The following PLCXD3 variants were observed in gnomAD, a reference collection of about 807,000 sequenced individuals.
PLCXD3 encodes the protein PI-PLC X domain-containing protein 3.
Under a neutral mutation model 25.5 loss-of-function variants are expected in PLCXD3, and 19 were observed. The ratio of observed to expected loss-of-function variants is 0.75; its 90% CI spans 0.52 to 1.09. The LOEUF (loss-of-function observed/expected upper bound fraction) is 1.09. PLCXD3 is among the 50% of genes least tolerant of loss of function. The pLI is 0.00. For synonymous variants in PLCXD3, 174 were observed against 137.6 expected (o/e 1.26, Z -1.85); for missense variants, 411 against 388.1 (o/e 1.06, Z -0.50).
Position 41,342,599 on chromosome 5 carries a change from G to A in PLCXD3, c.813-28829C>T, listed in dbSNP as rs79569469. On this transcript the variant is annotated intron_variant, in intron 2 of 2. Coordinates refer to ENST00000377801, the MANE Select transcript of PLCXD3 (RefSeq NM_001005473.3). Reference sequence around the variant, plus strand: ...TTCCAAAACTGAAATAAAATGTACAGAAAGCTTTGTAAATTTAATGTGGGT... The same window carrying A: ...TTCCAAAACTGAAATAAAATGTACAAAAAGCTTTGTAAATTTAATGTGGGT... Among the ~76,000 whole-genome samples the A allele has an allele frequency of 4.6e-3, 696 of 152,180 alleles. 3 individuals are homozygous for A. The highest frequency in any genetic ancestry group is 0.016 in the African/African-American group (657 of 41,522).
chr5:41,330,380 C>G (rs1414831283), intron 2 of PLCXD3, among the ~76,000 whole-genome samples: 2 of 152,106 alleles, frequency 1.3e-5, no homozygotes, highest in African/African-American at 4.8e-5. Context: ...CATACGCCCT[C>G]CCAAGACTAA....
intron 2 of PLCXD3, among the ~76,000 whole-genome samples, chr5:41,355,865 A>G (rs1744602880): frequency 6.6e-6 from 1 of 152,302 alleles, no homozygotes; most frequent in East Asian, 1.9e-4. Flanking sequence ...GCTCACCACC[A>G]TCAAAGATGA....
intron 2 of PLCXD3, among the ~76,000 whole-genome samples, chr5:41,326,192 A>T (rs1743622434): frequency 6.6e-6 from 1 of 152,156 alleles, no homozygotes; most frequent in South Asian, 2.1e-4. Context: ...CCATGCATTC[A>T]TCTAACAAAG....
intron 2 of PLCXD3, among the ~76,000 whole-genome samples, chr5:41,328,087 A>G (rs940760824): frequency 3.3e-5 from 5 of 152,184 alleles, no homozygotes; most frequent in African/African-American, 1.2e-4. Context: ...CACTACTGTC[A>G]GTTCTAGAGC....
rs1164643879 is a variant in PLCXD3 at position 41,318,737 on chromosome 5, T to A, written c.813-4967A>T. On this transcript the variant is annotated intron_variant, in intron 2 of 2. Coordinates refer to ENST00000377801, the MANE Select transcript of PLCXD3 (RefSeq NM_001005473.3). The stretch of plus-strand genomic sequence containing the variant: ...CACATAACAAAATGCAAGGAGTAAG[T>A]CCTTACTTATCAATAACAACATTGA... 2.0e-5 allele frequency among the ~76,000 whole-genome samples: 3 copies of A among 152,174 alleles called. No homozygotes were observed. In the East Asian group the frequency reaches 5.8e-4, roughly 29 times the overall value.
intron 1 of PLCXD3, among the ~76,000 whole-genome samples, chr5:41,424,676 T>C (rs922312745): frequency 3.9e-5 from 6 of 152,274 alleles, no homozygotes; most frequent in African/African-American, 1.4e-4. Context: ...CCTTCATTTT[T>C]ATTTTTCTGT....
chr5:41,460,692 G>A (rs745784741), intron 1 of PLCXD3, among the ~76,000 whole-genome samples: 5 of 151,902 alleles, frequency 3.3e-5, no homozygotes, highest in South Asian at 2.1e-4. Flanking sequence ...TTTTTACAAC[G>A]TCATTATGAA....
chr5:41,362,158 G>A (rs1744802066), intron 2 of PLCXD3, among the ~76,000 whole-genome samples: 1 of 152,192 alleles, frequency 6.6e-6, no homozygotes, highest in South Asian at 2.1e-4. Context: ...GTTTGTCCCT[G>A]AATTTGGAAG....
In PLCXD3 at chr5:41,347,408, T is replaced by C. The variant is rs188058078; in HGVS notation, c.813-33638A>G. Among the ~76,000 whole-genome samples the C allele has an allele frequency of 2.0e-5, 3 of 152,338 alleles. No individual in the cohort carries two copies. In the East Asian group the frequency reaches 5.8e-4, roughly 29 times the overall value. On this transcript the variant is annotated intron_variant, in intron 2 of 2. Transcript: ENST00000377801. ...TTATTAGATCAGATTCATAGATCTT[T>C]AGCAATCTCTCACTCCAAGGAAAGT...
intron 1 of PLCXD3, among the ~76,000 whole-genome samples, chr5:41,419,317 G>A (rs903307437): frequency 6.6e-6 from 1 of 151,936 alleles, no homozygotes; most frequent in African/African-American, 2.4e-5. Context: ...ATAATAAAAA[G>A]GACCTCACAA....
At chr5:41,342,764 G>A (rs1482461897) in intron 2 of PLCXD3, among the ~76,000 whole-genome samples, 2 of 152,094 alleles carry the variant, frequency 1.3e-5, no homozygotes, top group East Asian at 3.9e-4. Flanking sequence ...TAGAAAAGGA[G>A]GAGCTAATTC....
intron 1 of PLCXD3, among the ~76,000 whole-genome samples, chr5:41,392,560 A>G (rs1745862361): frequency 6.6e-6 from 1 of 152,182 alleles, no homozygotes; most frequent in South Asian, 2.1e-4. Context: ...AGTCCTTTCG[A>G]GTATCTGGAA....
At chr5:41,397,122 A>T (rs80090826) in intron 1 of PLCXD3, among the ~76,000 whole-genome samples, 6,612 of 152,316 alleles carry the variant, frequency 0.043, 188 homozygotes, top group Non-Finnish European at 0.061. Context: ...GAAGAGCCAA[A>T]TGCTAATAGC....
intron 2 of PLCXD3, among the ~76,000 whole-genome samples, chr5:41,319,014 CAAAT>C (rs1743381931): frequency 1.3e-5 from 2 of 152,088 alleles, no homozygotes; most frequent in African/African-American, 4.8e-5. Flanking sequence ...TAAGATGAGA[CAAAT>C]AATGTCACTG....
chr5:41,342,840 T>G (rs1175852340), intron 2 of PLCXD3, among the ~76,000 whole-genome samples: 1 of 152,164 alleles, frequency 6.6e-6, no homozygotes, highest in South Asian at 2.1e-4. Context: ...CTGAAAATGC[T>G]TGCTTCACAA....
chr5:41,322,125 C>G (rs936755856), intron 2 of PLCXD3, among the ~76,000 whole-genome samples: 3 of 152,142 alleles, frequency 2.0e-5, no homozygotes, highest in African/African-American at 7.2e-5. Flanking sequence ...AGGATACAAT[C>G]AACAAAGTGA....
chr5:41,491,405 A>G lies in PLCXD3; in HGVS notation c.103+19019T>C, dbSNP rs1312039973. ...TGGTGTGGTGCTGAAAAGAATGTAT[A>G]TTCTGTTGATTTGAGGTGGAGAGTT... On this transcript the variant is annotated intron_variant, in intron 1 of 2. Transcript: ENST00000377801. Among the ~76,000 whole-genome samples the G allele has an allele frequency of 2.0e-5, 3 of 152,218 alleles. No homozygotes were observed. The East Asian group carries it at 5.8e-4, about 29-fold the overall frequency.
chr5:41,457,740 G>A (rs1045766348), intron 1 of PLCXD3, among the ~76,000 whole-genome samples: 1 of 151,832 alleles, frequency 6.6e-6, no homozygotes, highest in African/African-American at 2.4e-5. Flanking sequence ...AAGCTGATGA[G>A]GTACATGAAA....
chr5:41,420,742 AAC>A (rs1430286404), intron 1 of PLCXD3, among the ~76,000 whole-genome samples: 1 of 152,204 alleles, frequency 6.6e-6, no homozygotes, highest in Non-Finnish European at 1.5e-5. Flanking sequence ...CAGGACATGA[AAC>A]ACAGATACAA....
Sources: gnomAD v4.1 joint callset for allele counts (sites outside exome capture counted in the v4.1 genomes callset) on GRCh38, gnomAD v4.1.1 for gene constraint, MANE v1.5 for transcripts, NCBI Gene and HGNC (gene_info 2026-07-23, HGNC 2026-07-21) for gene names.